The following TIMELESS variants were observed in gnomAD, a reference collection of about 807,000 sequenced individuals.
TIMELESS encodes the protein protein timeless homolog.
In TIMELESS, 124 loss-of-function variants were observed where a neutral mutation model predicts 164.3. The observed-to-expected ratio is 0.75, with a 90% confidence interval of 0.65 to 0.88. The LOEUF is 0.88. Ranked by LOEUF, TIMELESS falls within the 40% of genes least tolerant of loss-of-function variation. TIMELESS has a pLI of 0.00. For synonymous variants in TIMELESS, 564 were observed against 563.4 expected, an observed-to-expected ratio of 1.00 and a Z score of -0.02; for missense variants, 1,422 against 1,491.4, an observed-to-expected ratio of 0.95 and a Z score of 0.77.
At chr12:56,425,441 A>C (rs945490030) in intron 13 of TIMELESS, among the ~76,000 whole-genome samples, 1 of 152,242 alleles carries the variant, frequency 6.6e-6, no homozygotes, top group Admixed American at 6.5e-5. Context: ...CCATTTCCTG[A>C]GTTCAGAGGT....
chr12:56,444,765 A>C (rs1868326033), intron 1 of TIMELESS, among the ~76,000 whole-genome samples: 1 of 151,778 alleles, frequency 6.6e-6, no homozygotes. Context: ...TTCCCCTTTG[A>C]TCTCTTATTG....
In TIMELESS at chr12:56,420,865, G is replaced by C. The variant is rs767511357; in HGVS notation, c.3057C>G (p.Leu1019=). The C allele has an allele frequency of 9.9e-6, 16 of 1,614,028 alleles. No individual in the cohort carries two copies. The highest frequency in any genetic ancestry group is 1.4e-5 in the Non-Finnish European group (16 of 1,180,034). Residue 1019 remains leucine (L), a synonymous_variant, in exon 25 of 29, where the codon CTC becomes CTG. Transcript: ENST00000553532. ...GGATCAGGCAGTTCTGGAGCCATAG[G>C]AGCGGGATAGAAAAGCCTAAGGAAA... ...SLHQEGFSIP[L]LWLQNCLIRA...
In TIMELESS at chr12:56,416,725, T is replaced by C. The variant is rs1881272212; in HGVS notation, c.*991A>G. 1.3e-5 allele frequency: 2 copies of C among 151,700 alleles called. No individual in the cohort carries two copies. Among genetic ancestry groups the C allele is most frequent in the African/African-American group, 2.4e-5 (1 of 41,032 alleles). The allele number at this position is 151,700 out of a possible 1,614,324, so 9.4% of individuals were successfully genotyped here. The stretch of plus-strand genomic sequence containing the variant: ...AGAAAAGGGAAGGTTGTTGGTCTTT[T>C]TTTTTTTTCTTTTTTTTTGAGACAG... On this transcript the variant is annotated 3_prime_UTR_variant, in exon 29 of 29. Transcript: ENST00000553532.
intron 7 of TIMELESS, among the ~76,000 whole-genome samples, chr12:56,431,935 C>CAT (rs771604605): frequency 1.6e-3 from 240 of 151,530 alleles, no homozygotes; most frequent in East Asian, 6.4e-3. Context: ...AACATGTATA[C>CAT]ATATATATAT....
intron 13 of TIMELESS, among the ~76,000 whole-genome samples, chr12:56,426,385 CTTT>C (rs35546587): frequency 1.5e-5 from 2 of 137,072 alleles, no homozygotes; most frequent in Admixed American, 7.5e-5. Flanking sequence ...GGTACAAAAT[CTTT>C]TTTTTTTTTT....
rs1881981659 is a variant in TIMELESS at position 56,433,891 on chromosome 12, C to T, written c.133G>A (p.Glu45Lys). 1.2e-6 allele frequency: 2 copies of T among 1,614,030 alleles called. No homozygotes were observed. The highest frequency in any genetic ancestry group is 1.7e-5 in the Admixed American group (1 of 59,994). Residue 45 changes from glutamate (E) to lysine (K), a missense_variant, in exon 3 of 29, where the codon GAG (glutamate) becomes AAG (lysine). Glu to Lys is a moderately conservative substitution (Grantham distance 56). Coordinates refer to ENST00000553532, the MANE Select transcript of TIMELESS (RefSeq NM_003920.5). ...TGCCGCACATCTCGTGTCTCATCCT[C>T]ATGCCTCAAATAGCGGATCAGATCC... is the stretch of plus-strand genomic sequence containing the variant. ...VKDLIRYLRHEDETRDVRQQL... is the reference protein window; with the variant it reads ...VKDLIRYLRHKDETRDVRQQL...
rs770111394 is a variant in TIMELESS at position 56,424,996 on chromosome 12, G to T, written c.1716+19C>A. ...TGAGCACTATTCTCAAAAAAGACAGGGTTTCTGTAACCACCTACCTGGGCA... is the reference window on the plus strand; with the variant it reads ...TGAGCACTATTCTCAAAAAAGACAGTGTTTCTGTAACCACCTACCTGGGCA... On this transcript the variant is annotated intron_variant, in intron 14 of 28. Coordinates refer to ENST00000553532, the MANE Select transcript of TIMELESS (RefSeq NM_003920.5). The T allele has an allele frequency of 1.2e-6, 2 of 1,613,990 alleles. No homozygotes were observed. The highest frequency in any genetic ancestry group is 2.2e-5 in the South Asian group (2 of 91,070).
intron 1 of TIMELESS, among the ~76,000 whole-genome samples, chr12:56,435,958 TA>T (rs58281917): frequency 8.0e-5 from 11 of 138,194 alleles, no homozygotes; most frequent in Admixed American, 7.5e-5. Flanking sequence ...GACTCCGTCT[TA>T]AAAAAAAAAA....
At chr12:56,430,607 T>C (rs529864068) in intron 9 of TIMELESS, among the ~76,000 whole-genome samples, 2 of 152,142 alleles carry the variant, frequency 1.3e-5, no homozygotes, top group Non-Finnish European at 2.9e-5. Flanking sequence ...GCTCAAGCAA[T>C]TCTCCTTCCT....
chr12:56,431,577 G>A lies in TIMELESS; in HGVS notation c.715C>T (p.Gln239Ter). The change falls in exon 8 of 29, where the codon CAG becomes TAG. Residue 239 changes from glutamine (Q) to a stop codon, truncating the protein, a stop_gained. Transcript: ENST00000553532. LOFTEE classifies it high-confidence loss of function. ...QNPEQLAGVGQGRLAQERSAD... is the reference protein window; with the variant it reads ...QNPEQLAGVG ...CTCCGCTCCTGAGCTAAGCGTCCCT[G>A]CCCTACTCCCGCCAGCTGCTCGGGG... 6.2e-7 allele frequency: 1 copy of A among 1,613,358 alleles called. No individual in the cohort carries two copies. Among genetic ancestry groups the A allele is most frequent in the Non-Finnish European group, 8.5e-7 (1 of 1,179,836 alleles).
chr12:56,423,969 G>A, intron 15 of TIMELESS, 75 bp from the exon 16 acceptor site: 2 of 1,296,932 alleles, frequency 1.5e-6, no homozygotes, highest in South Asian at 2.5e-5. Context: ...GTAGAAGAAG[G>A]AATTTAGACT....
At chr12:56,438,050 T>A (rs546952734) in intron 1 of TIMELESS, among the ~76,000 whole-genome samples, 1 of 152,282 alleles carries the variant, frequency 6.6e-6, no homozygotes, top group Non-Finnish European at 1.5e-5. Flanking sequence ...AAACATTTTT[T>A]TTTTTTTCTG....
chr12:56,417,055 T>G lies in TIMELESS; in HGVS notation c.*661A>C, dbSNP rs1005292680. ...CTCTTTTTACCCTAAAATTGTTAAGTTCTTCTTTCAAGAGCACAGCAGGGG... is the reference window on the plus strand; with the variant it reads ...CTCTTTTTACCCTAAAATTGTTAAGGTCTTCTTTCAAGAGCACAGCAGGGG... On this transcript the variant is annotated 3_prime_UTR_variant, in exon 29 of 29. Transcript: ENST00000553532. The G allele has an allele frequency of 2.0e-5, 3 of 152,496 alleles. No individual in the cohort carries two copies. The highest frequency in any genetic ancestry group is 7.2e-5 in the African/African-American group (3 of 41,418). The allele number at this position is 152,496 out of a possible 1,614,324, so 9.4% of individuals were successfully genotyped here.
At chr12:56,447,150 C>T (rs1007170564) in intron 1 of TIMELESS, among the ~76,000 whole-genome samples, 2 of 141,868 alleles carry the variant, frequency 1.4e-5, no homozygotes, top group Middle Eastern at 3.8e-3. Context: ...GCTGGGATTA[C>T]AGGAAAATGC....
intron 22 of TIMELESS, 85 bp from the exon 23 acceptor site, chr12:56,421,578 C>A: frequency 6.5e-7 from 1 of 1,542,800 alleles, no homozygotes; most frequent in South Asian, 1.2e-5. Flanking sequence ...AAAGAGGGTA[C>A]CTCAATTCAT....
At chr12:56,434,998 C>T (rs1332318545) in intron 1 of TIMELESS, among the ~76,000 whole-genome samples, 1 of 152,130 alleles carries the variant, frequency 6.6e-6, no homozygotes, top group Non-Finnish European at 1.5e-5. Context: ...GCTGTGATTG[C>T]ACCACTACAC....
chr12:56,446,300 T>C (rs1189698253), intron 1 of TIMELESS, among the ~76,000 whole-genome samples: 1 of 152,234 alleles, frequency 6.6e-6, no homozygotes, highest in African/African-American at 2.4e-5. Context: ...TTCATAGTGA[T>C]CGTCTCTGAG....
At chr12:56,444,945 T>C (rs1368900012) in intron 1 of TIMELESS, among the ~76,000 whole-genome samples, 1 of 151,404 alleles carries the variant, frequency 6.6e-6, no homozygotes, top group Admixed American at 6.6e-5. Context: ...CTCTGAGCTA[T>C]TGAGTTGACA....
In TIMELESS at chr12:56,425,303, A is replaced by T. The variant is rs533060051; in HGVS notation, c.1579-151T>A. ...GTAATAGAAAGCAATAGTGAACAGC[A>T]TATTTCCTTCCCTTTGAGGAGCTTT... On this transcript the variant is annotated intron_variant, in intron 13 of 28. Coordinates refer to ENST00000553532, the MANE Select transcript of TIMELESS (RefSeq NM_003920.5). 1.5e-4 allele frequency: 152 copies of T among 1,012,998 alleles called. No individual in the cohort carries two copies. The African/African-American group carries it at 2.2e-3, about 15-fold the overall frequency. The allele number at this position is 1,012,998 out of a possible 1,614,324, so 62.8% of individuals were successfully genotyped here. A position where few individuals can be genotyped will look rare whatever the true frequency, so the allele number is the denominator to read the frequency against.
Sources: gnomAD v4.1 joint callset for allele counts (sites outside exome capture counted in the v4.1 genomes callset) on GRCh38, gnomAD v4.1.1 for gene constraint, MANE v1.5 for transcripts, NCBI Gene and HGNC (gene_info 2026-07-23, HGNC 2026-07-21) for gene names.